Variants in HAUS7 observed in about 807,000 individuals in gnomAD.
HAUS7 encodes the protein HAUS augmin-like complex subunit 7.
Under a neutral mutation model 28.4 loss-of-function variants are expected in HAUS7, and 3 were observed. The observed-to-expected ratio is 0.11, with a 90% CI of 0.05 to 0.27. The LOEUF is 0.27. HAUS7 is among the 10% of genes least tolerant of loss of function. The pLI is 1.00. For synonymous variants in HAUS7, 165 were observed against 132.1 expected (o/e 1.25, Z -1.71); for missense variants, 284 against 297.3 (o/e 0.96, Z 0.33).
Position 153,493,503 on chromosome X carries a change from G to A in HAUS7, c.-589+1871C>T, listed in dbSNP as rs782319711. On this transcript the variant is annotated intron_variant, in intron 1 of 5. Transcript: ENST00000370210. ...GGTAAAACACACAAACCTGCCGAAA[G>A]ACAAGCCATCTCCTTTGTCTGGAAA... Among the ~76,000 whole-genome samples the A allele has an allele frequency of 3.6e-5, 4 of 112,317 alleles. No individual in the cohort carries two copies. The South Asian group carries it at 1.5e-3, about 41-fold the overall frequency.
Position 153,481,957 on chromosome X carries a change from G to C in HAUS7, c.-588-10812C>G, listed in dbSNP as rs972701373. 6 of 701,910 alleles carry C rather than the reference G, an allele frequency of 8.5e-6. No individual in the cohort carries two copies. The Admixed American group carries it at 2.6e-4, about 31-fold the overall frequency. The allele number at this position is 701,910 out of a possible 1,213,427, so 57.8% of individuals were successfully genotyped here. A position where few individuals can be genotyped will look rare whatever the true frequency, so the allele number is the denominator to read the frequency against. ...TGTGGCCCATTCACCTCTTCTCGGG[G>C]GCCGGGGCTGGGGCTGGGGCTGGCA... On this transcript the variant is annotated intron_variant, in intron 1 of 5. Transcript: ENST00000370210.
intron 1 of HAUS7, among the ~76,000 whole-genome samples, chrX:153,490,085 A>G (rs1387860241): frequency 1.8e-5 from 2 of 112,404 alleles, no homozygotes; most frequent in East Asian, 5.6e-4. Flanking sequence ...CTCCCACCAG[A>G]GCCTCCTGGT....
chrX:153,462,986 T>C (rs2089412048), intron 3 of HAUS7: 2 of 421,734 alleles, frequency 4.7e-6, no homozygotes, highest in Admixed American at 2.9e-5. Flanking sequence ...TACAGTGCAC[T>C]GTCTGCCACT....
chrX:153,450,762 T>C (rs919334964), intron 9 of HAUS7, among the ~76,000 whole-genome samples: 9 of 112,143 alleles, frequency 8.0e-5, no homozygotes, highest in Admixed American at 9.4e-5. Flanking sequence ...ACTTCATAGG[T>C]GGTGCCGCAC....
intron 9 of HAUS7, among the ~76,000 whole-genome samples, chrX:153,449,353 G>A (rs1422689605): frequency 4.5e-5 from 5 of 112,305 alleles, no homozygotes; most frequent in East Asian, 2.8e-4. Flanking sequence ...TGCTCAGCCC[G>A]CCTGGAATTG....
intron 5 of HAUS7, 198 bp from the exon 6 acceptor site, chrX:153,456,849 G>A (rs907244022): frequency 5.2e-5 from 23 of 441,399 alleles, no homozygotes; most frequent in African/African-American, 4.4e-4. Context: ...CACCCATGGA[G>A]CACCCTAGGT....
intron 1 of HAUS7, among the ~76,000 whole-genome samples, chrX:153,485,494 G>A (rs1306855149): frequency 8.9e-6 from 1 of 112,037 alleles, no homozygotes; most frequent in African/African-American, 3.2e-5. Context: ...ATGACAGCAG[G>A]TATCGCTAGC....
upstream of HAUS7, chrX:153,470,851 C>G: frequency 2.7e-6 from 1 of 376,037 alleles, no homozygotes. Flanking sequence ...GGGCGGACAC[C>G]GGGAAAGGGG....
chrX:153,483,022 C>A, intron 1 of HAUS7: 1 of 122,823 alleles, frequency 8.1e-6, no homozygotes, highest in Non-Finnish European at 1.6e-5. Flanking sequence ...CTTGACCTAA[C>A]CTTCCAGAAG....
chrX:153,449,428 C>T (rs946242365), intron 9 of HAUS7, among the ~76,000 whole-genome samples: 11 of 112,439 alleles, frequency 9.8e-5, no homozygotes, highest in Non-Finnish European at 1.5e-4. Flanking sequence ...GGCTTCCTGC[C>T]GCAATGCGCA....
intron 9 of HAUS7, among the ~76,000 whole-genome samples, chrX:153,448,547 A>AAT (rs1285446420): frequency 6.4e-5 from 7 of 109,919 alleles, no homozygotes; most frequent in South Asian, 7.5e-4. Context: ...GTATAATAAA[A>AAT]ATATATATAT....
chrX:153,479,377 G>A, intron 1 of HAUS7: 2 of 754,555 alleles, frequency 2.7e-6, no homozygotes, highest in Non-Finnish European at 3.1e-6. Context: ...CCCACCAGGG[G>A]CCCCCGACGG....
At chrX:153,471,020 C>T (rs1414208176), upstream of HAUS7, 1 of 329,631 alleles carries the variant, frequency 3.0e-6, no homozygotes, top group East Asian at 9.8e-5. Context: ...TTCTCCTGGG[C>T]CACCACCACT....
upstream of HAUS7, chrX:153,471,027 C>A (rs1310942581): frequency 6.1e-6 from 2 of 326,978 alleles, no homozygotes; most frequent in Non-Finnish European, 1.2e-5. Context: ...GGGCCACCAC[C>A]ACTAAGGGGC....
At chrX:153,471,166 C>G (rs1556985296), upstream of HAUS7, 1 of 264,792 alleles carries the variant, frequency 3.8e-6, no homozygotes. Context: ...AAGGAAATTT[C>G]TTGTCACTCA....
chrX:153,450,402 T>C, intron 9 of HAUS7, among the ~76,000 whole-genome samples: 1 of 111,283 alleles, frequency 9.0e-6, no homozygotes. Flanking sequence ...CAGACCTGCT[T>C]CACCTGTGCC....
At chrX:153,493,760 G>T (rs782263294) in intron 1 of HAUS7, among the ~76,000 whole-genome samples, 26 of 111,106 alleles carry the variant, frequency 2.3e-4, no homozygotes, top group Middle Eastern at 4.7e-3. Flanking sequence ...ATGCCCCCAG[G>T]TAGAGCTCCC....
intron 1 of HAUS7, chrX:153,481,290 G>C (rs1312912068): frequency 1.4e-6 from 1 of 703,482 alleles, no homozygotes; most frequent in African/African-American, 4.8e-5. Flanking sequence ...TGGGAGCCTC[G>C]GGCAAGCCCC....
rs954012731 is a variant in HAUS7 at position 153,455,293 on chromosome X, G to A, written c.930+249C>T. The stretch of plus-strand genomic sequence containing the variant: ...GGACCCCACACCGGATCTGGGCCTA[G>A]CTAGTGCCTGCTAAGGTGGGCAGGT... On this transcript the variant is annotated intron_variant, in intron 8 of 9. Coordinates refer to ENST00000370211, the MANE Select transcript of HAUS7 (RefSeq NM_001385482.1). 8.4e-5 allele frequency: 37 copies of A among 440,262 alleles called. No homozygotes were observed. In the Middle Eastern group the frequency reaches 1.8e-3, roughly 21 times the overall value. The allele number at this position is 440,262 out of a possible 1,213,427, so 36.3% of individuals were successfully genotyped here.
Sources: gnomAD v4.1 joint callset for allele counts (sites outside exome capture counted in the v4.1 genomes callset) on GRCh38, gnomAD v4.1.1 for gene constraint, MANE v1.5 for transcripts, NCBI Gene and HGNC (gene_info 2026-07-23, HGNC 2026-07-21) for gene names.